Variants in C20orf173 observed in about 807,000 individuals in gnomAD.
The protein encoded by C20orf173 is uncharacterized protein C20orf173.
A neutral mutation model predicts 26.7 loss-of-function variants in C20orf173; 22 were observed. The ratio of observed to expected loss-of-function variants is 0.82; its 90% confidence interval spans 0.59 to 1.18. The LOEUF (loss-of-function observed/expected upper bound fraction) is 1.18, where lower values mean the gene tolerates loss of function less well. Among genes scored for constraint, C20orf173 ranks in the 50% most tolerant of loss-of-function variants. C20orf173 has a pLI of 0.00. For missense variants in C20orf173, 210 were observed against 250.3 expected, an observed-to-expected ratio of 0.84 and a Z score of 1.09; for synonymous variants, 85 against 96.4, an observed-to-expected ratio of 0.88 and a Z score of 0.69.
chr20:35,527,808 C>A (rs528291341), intron 5 of C20orf173, among the ~76,000 whole-genome samples: 1 of 152,206 alleles, frequency 6.6e-6, no homozygotes, highest in South Asian at 2.1e-4. Context: ...GAGGCTACCA[C>A]CATGCCTGGC....
chr20:35,524,552 T>A (rs2064492523), downstream of C20orf173, among the ~76,000 whole-genome samples: 1 of 152,178 alleles, frequency 6.6e-6, no homozygotes, highest in South Asian at 2.1e-4. Context: ...CAAGTGCTCA[T>A]CCATCATATT....
chr20:35,528,936 G>C, intron 2 of C20orf173, 57 bp from the exon 3 acceptor site: 1 of 1,546,430 alleles, frequency 6.5e-7, no homozygotes, highest in Non-Finnish European at 8.7e-7. Context: ...AAACAGAGCT[G>C]GGTGGGTGAG....
downstream of C20orf173, chr20:35,522,281 A>G (rs984832543): frequency 6.6e-6 from 1 of 152,620 alleles, no homozygotes; most frequent in African/African-American, 2.4e-5. Flanking sequence ...GAGTCATTTG[A>G]CAAGCAGACT....
At chr20:35,528,381 C>T in intron 4 of C20orf173, 70 bp downstream of exon 4, 4 of 1,545,948 alleles carry the variant, frequency 2.6e-6, no homozygotes, top group Non-Finnish European at 3.5e-6. Context: ...TCCCAGAGCC[C>T]CTGCTGTTAC....
chr20:35,529,153 T>C lies in C20orf173; in HGVS notation c.221A>G (p.Asn74Ser), dbSNP rs906644513. ...SSCHHTADEW[N>S]WLDACSRKTM... ...CTTCCTGGAGCACGCATCAAGCCAG[T>C]TCCATTCGTCGGCTGTGTGGTGGCA... The change falls in exon 2 of 6, where the codon AAC (asparagine) becomes AGC (serine). Residue 74 changes from asparagine (N) to serine (S), a missense_variant. Asn to Ser is a conservative substitution (Grantham distance 46). Coordinates refer to ENST00000444723, the MANE Select transcript of C20orf173 (RefSeq NM_001145350.2). The C allele has an allele frequency of 6.4e-6, 10 of 1,551,546 alleles. No individual in the cohort carries two copies. Among genetic ancestry groups the C allele is most frequent in the Non-Finnish European group, 7.8e-6 (9 of 1,146,984 alleles).
chr20:35,528,433 T>C lies in C20orf173; in HGVS notation c.582+18A>G. The C allele has an allele frequency of 6.4e-7, 1 of 1,551,250 alleles. No individual in the cohort carries two copies. Among genetic ancestry groups the C allele is most frequent in the Non-Finnish European group, 8.7e-7 (1 of 1,146,568 alleles). On this transcript the variant is annotated intron_variant, in intron 4 of 5. Coordinates refer to ENST00000444723, the MANE Select transcript of C20orf173 (RefSeq NM_001145350.2). ...CCCTCACCCCCACACAGAGAATGTC[T>C]GGGGACACCTCCATCACCTTATCAC...
rs1293614539 is a variant in C20orf173, at chr20:35,528,868, T to C, written c.321A>G (p.Ser107=). 1.3e-6 allele frequency: 2 copies of C among 1,551,064 alleles called. No homozygotes were observed. ...DTVLWWLGMN[S]GSELGKLWRK... ...TCCACAATTTCCCAAGCTCGCTCCC[T>C]GAGTTCATGCCCTGGAAACAGCAAG... The change falls in exon 3 of 6, where the codon TCA becomes TCG. Residue 107 remains serine, a synonymous_variant. Transcript: ENST00000444723.
At chr20:35,528,049 T>G (rs183205034) in intron 5 of C20orf173, among the ~76,000 whole-genome samples, 184 bp downstream of exon 5, 178 of 152,286 alleles carry the variant, frequency 1.2e-3, no homozygotes, top group African/African-American at 4.1e-3. Context: ...CAAGAATCTT[T>G]CCTGCCGGGG....
rs777450237 is a variant in C20orf173, at chr20:35,529,247, G to A, written c.127C>T (p.His43Tyr). The A allele has an allele frequency of 1.9e-6, 3 of 1,551,572 alleles. No homozygotes were observed. The African/African-American group carries it at 4.1e-5, about 21-fold the overall frequency. Residue 43 changes from histidine (H) to tyrosine (Y), a missense_variant, in exon 2 of 6, where the codon CAT (histidine) becomes TAT (tyrosine). Coordinates refer to ENST00000444723, the MANE Select transcript of C20orf173 (RefSeq NM_001145350.2). ...QEKRMYLVPQ[H>Y]CDCPWFSSGK... ...GAACTGAACCAAGGGCAGTCGCAATGCTGTGGTACCAAGTACATTCGTTTT... is the reference window on the plus strand; with the variant it reads ...GAACTGAACCAAGGGCAGTCGCAATACTGTGGTACCAAGTACATTCGTTTT...
chr20:35,521,286 T>C (rs1027586550), downstream of C20orf173: 1 of 152,612 alleles, frequency 6.6e-6, no homozygotes, highest in Non-Finnish European at 1.5e-5. Flanking sequence ...GGGAGGAGAA[T>C]GGAGTTCACC....
At position 35,529,567 on chromosome 20, in the gene C20orf173, C is replaced by T. The variant is rs1422967631; in HGVS notation, c.-60G>A. ...ACTATCCATTTGCTCACCCTCAAAA[C>T]GGTCTCTGACTGGGCATGGGGTGGA... On this transcript the variant is annotated 5_prime_UTR_variant, in exon 1 of 6. Coordinates refer to ENST00000444723, the MANE Select transcript of C20orf173 (RefSeq NM_001145350.2). 32 of 602,398 alleles carry T rather than the reference C, an allele frequency of 5.3e-5. No homozygotes were observed. Among genetic ancestry groups the T allele is most frequent in the South Asian group, 6.2e-5 (3 of 48,484 alleles). The allele number at this position is 602,398 out of a possible 1,614,324, so 37.3% of individuals were successfully genotyped here. A position where few individuals can be genotyped will look rare whatever the true frequency, so the allele number is the denominator to read the frequency against.
chr20:35,529,348 A>G lies in C20orf173; in HGVS notation c.26T>C (p.Leu9Pro), dbSNP rs189393690. Residue 9 changes from leucine to proline, a missense_variant, in exon 2 of 6, where the codon CTG becomes CCG. Leu to Pro is a moderately conservative substitution (Grantham distance 98). Transcript: ENST00000444723. Reference sequence around the variant, plus strand: ...GAGGATGAGCACCCAAAAGACCCACAGGACAAAAATCTGCCAGCGCTTCAT... The same window carrying G: ...GAGGATGAGCACCCAAAAGACCCACGGGACAAAAATCTGCCAGCGCTTCAT... MKRWQIFV[L>P]WVFWVLILWL... 2 of 1,546,184 alleles carry G rather than the reference A, an allele frequency of 1.3e-6. No homozygotes were observed. Among genetic ancestry groups the G allele is most frequent in the Non-Finnish European group, 1.7e-6 (2 of 1,143,820 alleles).
Position 35,529,056 on chromosome 20 carries a change from A to G in C20orf173, c.309+9T>C, listed in dbSNP as rs530895629. On this transcript the variant is annotated intron_variant, in intron 2 of 5. Transcript: ENST00000444723. Reference sequence around the variant, plus strand: ...GGGGATATGGCCGGGCCCAGTGTTGACCACTGACCAACCACCAGAGCACAG... The same window carrying G: ...GGGGATATGGCCGGGCCCAGTGTTGGCCACTGACCAACCACCAGAGCACAG... 75 of 1,547,620 alleles carry G rather than the reference A, an allele frequency of 4.8e-5. 1 individual carries two copies. In the East Asian group the frequency reaches 1.8e-3, roughly 37 times the overall value.
At position 35,529,407 on chromosome 20, in the gene C20orf173, G is replaced by A. The variant is rs1468201650; in HGVS notation, c.-34C>T. On this transcript the variant is annotated 5_prime_UTR_variant, in exon 2 of 6. It adds an upstream start codon to the 5' untranslated region. Coordinates refer to ENST00000444723, the MANE Select transcript of C20orf173 (RefSeq NM_001145350.2). ...CAGGCGGTGGCTCCCGTGGTGGGCC[G>A]TAGACTGGCTTCTCTACCTGTAAGG... is the stretch of plus-strand genomic sequence containing the variant. 1.4e-5 allele frequency: 21 copies of A among 1,495,518 alleles called. No homozygotes were observed. Among genetic ancestry groups the A allele is most frequent in the Middle Eastern group, 1.8e-4 (1 of 5,550 alleles). 92.6% of individuals were successfully genotyped at this position (1,495,518 alleles called of 1,614,324 possible).
At chr20:35,521,220 C>G (rs1213701474), downstream of C20orf173, 2 of 152,682 alleles carry the variant, frequency 1.3e-5, no homozygotes, top group Non-Finnish European at 2.9e-5. Context: ...GAACACCTAT[C>G]ATGCCTTCAG....
downstream of C20orf173, among the ~76,000 whole-genome samples, chr20:35,525,397 A>G (rs2064497437): frequency 6.6e-6 from 1 of 152,108 alleles, no homozygotes; most frequent in South Asian, 2.1e-4. Context: ...ACTAAAATAC[A>G]AAAAATTAGC....
Position 35,528,432 on chromosome 20 carries a change from C to G in C20orf173, c.582+19G>C. The stretch of plus-strand genomic sequence containing the variant: ...CCCCTCACCCCCACACAGAGAATGT[C>G]TGGGGACACCTCCATCACCTTATCA... On this transcript the variant is annotated intron_variant, in intron 4 of 5. Coordinates refer to ENST00000444723, the MANE Select transcript of C20orf173 (RefSeq NM_001145350.2). 1 of 1,548,976 alleles carries G rather than the reference C, an allele frequency of 6.5e-7. No homozygotes were observed. The highest frequency in any genetic ancestry group is 8.7e-7 in the Non-Finnish European group (1 of 1,144,510).
intron 5 of C20orf173, among the ~76,000 whole-genome samples, 183 bp from the exon 6 acceptor site, chr20:35,527,433 T>C (rs1460526955): frequency 6.6e-6 from 1 of 151,920 alleles, no homozygotes; most frequent in Non-Finnish European, 1.5e-5. Context: ...AAAAAGAGAA[T>C]GTCAACTCAC....
At position 35,528,394 on chromosome 20, in the gene C20orf173, C is replaced by T. The variant is rs2064520183; in HGVS notation, c.582+57G>A. 10 of 1,545,294 alleles carry T rather than the reference C, an allele frequency of 6.5e-6. No individual in the cohort carries two copies. In the Admixed American group the frequency reaches 7.8e-5, roughly 12 times the overall value. ...CTTCCCAGAGCCCCTGCTGTTACTC[C>T]CTGCAGTGACCTCCCCTCACCCCCA... On this transcript the variant is annotated intron_variant, in intron 4 of 5. Transcript: ENST00000444723.
Sources: allele counts gnomAD v4.1 joint callset (sites outside exome capture counted in the v4.1 genomes callset), GRCh38; gene constraint gnomAD v4.1.1; transcripts MANE v1.5; gene names NCBI Gene and HGNC (gene_info 2026-07-23, HGNC 2026-07-21).